The following KIF27 variants were observed in gnomAD, a reference collection of about 807,000 sequenced individuals.
The protein encoded by KIF27 is kinesin-like protein KIF27.
KIF27 carries 84 observed loss-of-function variants against 141.8 expected under a neutral mutation model. The observed-to-expected ratio is 0.59, with a 90% CI of 0.50 to 0.71. KIF27 has a LOEUF of 0.71. Ranked by LOEUF, KIF27 falls within the 30% of genes least tolerant of loss-of-function variation. KIF27 has a pLI of 0.00. For missense variants in KIF27, 1,306 were observed against 1,628.4 expected (o/e 0.80, Z 3.41); for synonymous variants, 471 against 569.5 (o/e 0.83, Z 2.46).
At chr9:83,888,943 A>G (rs1439381997) in intron 7 of KIF27, 141 bp downstream of exon 7, 2 of 895,426 alleles carry the variant, frequency 2.2e-6, no homozygotes, top group Non-Finnish European at 3.2e-6. Context: ...ATAACACATT[A>G]GATGATAGTA....
At chr9:83,860,817 T>C (rs867411699) in intron 13 of KIF27, among the ~76,000 whole-genome samples, 1 of 152,142 alleles carries the variant, frequency 6.6e-6, no homozygotes, top group Non-Finnish European at 1.5e-5. Flanking sequence ...TCCTTTTTCA[T>C]AGTTTGTGCC....
At chr9:83,872,632 A>G (rs1444661961) in intron 11 of KIF27, among the ~76,000 whole-genome samples, 1 of 152,234 alleles carries the variant, frequency 6.6e-6, no homozygotes, top group African/African-American at 2.4e-5. Flanking sequence ...GCTGTGACAA[A>G]TTTATAACAA....
At chr9:83,858,826 G>A (rs1487891590) in intron 14 of KIF27, 2 of 323,418 alleles carry the variant, frequency 6.2e-6, no homozygotes, top group African/African-American at 4.2e-5. Flanking sequence ...CCCTCCAGAA[G>A]AGTCCCTCAA....
intron 1 of KIF27, among the ~76,000 whole-genome samples, chr9:83,917,837 C>T (rs189010227): frequency 4.6e-5 from 7 of 152,162 alleles, no homozygotes; most frequent in East Asian, 1.9e-4. Flanking sequence ...AGTAAAACTA[C>T]AAAACTCTTA....
At chr9:83,901,378 C>T (rs1953872672) in intron 4 of KIF27, among the ~76,000 whole-genome samples, 1 of 152,120 alleles carries the variant, frequency 6.6e-6, no homozygotes, top group South Asian at 2.1e-4. Flanking sequence ...GAAGAACATC[C>T]ACAATTATCT....
At chr9:83,870,414 A>T in intron 12 of KIF27, 105 bp downstream of exon 12, 1 of 1,500,846 alleles carries the variant, frequency 6.7e-7, no homozygotes, top group Non-Finnish European at 9.0e-7. Flanking sequence ...TGATCCACCC[A>T]CCTCGGCGTC....
chr9:83,879,941 C>T (rs548154758), intron 11 of KIF27, among the ~76,000 whole-genome samples: 15 of 152,226 alleles, frequency 9.9e-5, no homozygotes, highest in African/African-American at 3.1e-4. Flanking sequence ...ACATGGACAA[C>T]GCATGTCAAA....
Position 83,867,849 on chromosome 9 carries a change from C to G in KIF27, c.2769G>C (p.Glu923Asp). The change falls in exon 13 of 18, where the codon GAG (glutamate) becomes GAC (aspartate). Residue 923 changes from glutamate to aspartate, a missense_variant. Transcript: ENST00000297814. ...GSIDHLQKLDEQKKWLDEEVE... is the reference protein window; with the variant it reads ...GSIDHLQKLDDQKKWLDEEVE... ...CTTCTTCATCTAACCATTTCTTTTG[C>G]TCATCCAATTTCTACATTAAAATTA... 2 of 1,580,278 alleles carry G rather than the reference C, an allele frequency of 1.3e-6. No homozygotes were observed. The highest frequency in any genetic ancestry group is 1.7e-6 in the Non-Finnish European group (2 of 1,169,016).
intron 17 of KIF27, 103 bp downstream of exon 17, chr9:83,842,134 C>T: frequency 1.5e-6 from 2 of 1,318,760 alleles, no homozygotes; most frequent in Non-Finnish European, 2.0e-6. Flanking sequence ...GTATCTAATC[C>T]TAAATAACCC....
rs531686021 is a variant in KIF27 at position 83,889,328 on chromosome 9, G to A, written c.1810-75C>T. The A allele has an allele frequency of 5.1e-6, 7 of 1,379,932 alleles. No individual in the cohort carries two copies. In the African/African-American group the frequency reaches 1.0e-4, roughly 20 times the overall value. The allele number at this position is 1,379,932 out of a possible 1,614,324, so 85.5% of individuals were successfully genotyped here. A position where few individuals can be genotyped will look rare whatever the true frequency, so the allele number is the denominator to read the frequency against. ...GTCTAATTTTATCCTATTACTCTAA[G>A]TGCTTTTAAAGGGGTTATTAGATTG... is the stretch of plus-strand genomic sequence containing the variant. On this transcript the variant is annotated intron_variant, in intron 6 of 17. Transcript: ENST00000297814.
At position 83,850,291 on chromosome 9, in the gene KIF27, T is replaced by C; in HGVS notation, c.3364A>G (p.Asn1122Asp). ...ILFRYFNKVV[N>D]LREAERKQQL... Reference sequence around the variant, plus strand: ...TGTTTCCGTTCAGCTTCTCGCAAATTCACCACCTAACAAATACATATTTTG... The same window carrying C: ...TGTTTCCGTTCAGCTTCTCGCAAATCCACCACCTAACAAATACATATTTTG... The change falls in exon 16 of 18, where the codon AAT (asparagine) becomes GAT (aspartate). Residue 1122 changes from asparagine to aspartate, a missense_variant. Transcript: ENST00000297814. 1 of 1,610,780 alleles carries C rather than the reference T, an allele frequency of 6.2e-7. No homozygotes were observed. The highest frequency in any genetic ancestry group is 8.5e-7 in the Non-Finnish European group (1 of 1,177,014).
Position 83,908,592 on chromosome 9 carries a change from C to T in KIF27, c.359G>A (p.Ser120Asn), listed in dbSNP as rs1422641795. The change falls in exon 3 of 18, where the codon AGC (serine) becomes AAC (asparagine). Residue 120 changes from serine to asparagine, a missense_variant. Around this residue, in one of 4 missense-constraint regions of KIF27, gnomAD observed 533 missense variants for 565.6 expected, o/e 0.94. Coordinates refer to ENST00000297814, the MANE Select transcript of KIF27 (RefSeq NM_017576.4). ...GTCAATGCTAGGATGTTCAGAGATG[C>T]TTTGAAATATTTCTTGAATAGCTCG... Reference protein sequence around the residue: ...IPRAIQEIFQSISEHPSIDFN... With the variant: ...IPRAIQEIFQNISEHPSIDFN... 6 of 1,612,272 alleles carry T rather than the reference C, an allele frequency of 3.7e-6. No homozygotes were observed. Among genetic ancestry groups the T allele is most frequent in the East Asian group, 4.5e-5 (2 of 44,798 alleles).
chr9:83,842,626 C>T (rs1351587285), intron 16 of KIF27, among the ~76,000 whole-genome samples: 1 of 152,046 alleles, frequency 6.6e-6, no homozygotes, highest in Non-Finnish European at 1.5e-5. Context: ...GCACCACGCC[C>T]GGCTAATTTT....
At chr9:83,921,015 C>A (rs1423785225) in intron 1 of KIF27, among the ~76,000 whole-genome samples, 2 of 152,204 alleles carry the variant, frequency 1.3e-5, no homozygotes, top group African/African-American at 2.4e-5. Flanking sequence ...ACGAGACGAA[C>A]ACAGGGTGCG....
Position 83,903,634 on chromosome 9 carries a change from T to C in KIF27, c.884A>G (p.Asp295Gly). 4 of 1,614,184 alleles carry C rather than the reference T, an allele frequency of 2.5e-6. No homozygotes were observed. The highest frequency in any genetic ancestry group is 3.4e-6 in the Non-Finnish European group (4 of 1,180,030). The change falls in exon 4 of 18, where the codon GAT becomes GGT. Residue 295 changes from aspartate (D) to glycine (G), a missense_variant. Asp to Gly is a moderately conservative substitution (Grantham distance 94, BLOSUM62 -1). Coordinates refer to ENST00000297814, the MANE Select transcript of KIF27 (RefSeq NM_017576.4). ...TTTCAGAAGCCGGGTAATTTTAGCA[T>C]CCCTATATGGAATATGTGAACTCTT... is the stretch of plus-strand genomic sequence containing the variant. The part of the protein sequence containing the change: ...RRKSSHIPYR[D>G]AKITRLLKDS...
chr9:83,903,306 A>C lies in KIF27; in HGVS notation c.1212T>G (p.Leu404=). The change falls in exon 4 of 18, where the codon CTT becomes CTG. Residue 404 remains leucine (L), a synonymous_variant. Transcript: ENST00000297814. ...IHSLEEQVAQ[L]QGECLGYQCC... ...ACTGGTAACCCAGACATTCTCCTTG[A>C]AGCTGAGCTACTTGCTCCTCAAGAG... is the stretch of plus-strand genomic sequence containing the variant. 6.2e-7 allele frequency: 1 copy of C among 1,614,210 alleles called. No homozygotes were observed. The highest frequency in any genetic ancestry group is 8.5e-7 in the Non-Finnish European group (1 of 1,180,014).
chr9:83,889,376 C>T, intron 6 of KIF27, 123 bp from the exon 7 acceptor site: 1 of 722,248 alleles, frequency 1.4e-6, no homozygotes, highest in African/African-American at 1.8e-5. Flanking sequence ...TAGCCAATCA[C>T]TGGAAAATGC....
chr9:83,836,600 A>C lies in KIF27; in HGVS notation c.*401T>G, dbSNP rs115992817. ...ATTTAGCTGGATCTTTTAAAAAAAAAATATACTTGTATTTGAGAATAACAA... is the reference window on the plus strand; with the variant it reads ...ATTTAGCTGGATCTTTTAAAAAAAACATATACTTGTATTTGAGAATAACAA... On this transcript the variant is annotated 3_prime_UTR_variant, in exon 18 of 18. Transcript: ENST00000297814. 6.4e-6 allele frequency: 1 copy of C among 156,598 alleles called. No individual in the cohort carries two copies. Among genetic ancestry groups the C allele is most frequent in the African/African-American group, 2.4e-5 (1 of 41,406 alleles). 9.7% of individuals were successfully genotyped at this position (156,598 alleles called of 1,614,324 possible).
chr9:83,878,301 G>A (rs1164684616), intron 11 of KIF27, among the ~76,000 whole-genome samples: 1 of 151,876 alleles, frequency 6.6e-6, no homozygotes, highest in Non-Finnish European at 1.5e-5. Flanking sequence ...CATTGCTGGT[G>A]GAAATGTAAA....
Sources: gnomAD v4.1 joint callset for allele counts (sites outside exome capture counted in the v4.1 genomes callset) on GRCh38, gnomAD v4.1.1 for gene constraint, gnomAD v4.1.1 regional missense constraint, MANE v1.5 for transcripts, NCBI Gene and HGNC (gene_info 2026-07-23, HGNC 2026-07-21) for gene names.